The following MLXIP variants were observed in gnomAD, a reference collection of about 807,000 sequenced individuals.
MLXIP encodes the protein MLX-interacting protein.
In MLXIP, 30 loss-of-function variants were observed where a neutral mutation model predicts 87.2. The ratio of observed to expected loss-of-function variants is 0.34; its 90% confidence interval spans 0.26 to 0.47. The LOEUF is 0.47. Among genes scored for constraint, MLXIP ranks in the 20% least tolerant of loss-of-function variants. MLXIP has a pLI of 1.00. For synonymous variants in MLXIP, 530 were observed against 514.0 expected (o/e 1.03, Z -0.42); for missense variants, 1,002 against 1,240.1 (o/e 0.81, Z 2.88).
intron 1 of MLXIP, among the ~76,000 whole-genome samples, chr12:122,093,398 GTGTGTGGTGTGTGTTGGTGTGTTATA>G (rs1952279621): frequency 6.9e-6 from 1 of 145,798 alleles, no homozygotes; most frequent in South Asian, 2.3e-4. Context: ...GGGTGGTTAT[GTGTGTGGTGTGTGTTGGTGTGTTATA>G]TGTGGGGTGT....
rs1173711241 is a variant in MLXIP at position 122,113,681 on chromosome 12, C to CTTTTTTTTT, written c.414-13562_414-13554dup. 2.7e-3 allele frequency among the ~76,000 whole-genome samples: 269 copies of CTTTTTTTTT among 100,674 alleles called. 15 individuals carry two copies. Among genetic ancestry groups the CTTTTTTTTT allele is most frequent in the African/African-American group, 3.9e-3 (97 of 24,794 alleles). The allele number at this position is 100,674 out of a possible 152,430, so 66.0% of individuals were successfully genotyped here. A position where few individuals can be genotyped will look rare whatever the true frequency, so the allele number is the denominator to read the frequency against. Reference sequence around the variant, plus strand: ...ACAGTCCATATAACTGCCTTCATTTCTTTTTTTTTTTTTTTTTTTTTGAGA... The same window carrying CTTTTTTTTT: ...ACAGTCCATATAACTGCCTTCATTTCTTTTTTTTTTTTTTTTTTTTTTTTTTTTTTGAGA... On this transcript the variant is annotated intron_variant, in intron 1 of 16. Coordinates refer to ENST00000319080, the MANE Select transcript of MLXIP (RefSeq NM_014938.6).
rs747392761 is a variant in MLXIP at position 122,133,900 on chromosome 12, G to A, written c.1645G>A (p.Gly549Ser). 7.5e-6 allele frequency: 12 copies of A among 1,610,164 alleles called. No individual in the cohort carries two copies. In the African/African-American group the frequency reaches 1.5e-4, roughly 20 times the overall value. Reference protein sequence around the residue: ...VHPKPVSLTGGRPKQPHKIVP... With the variant: ...VHPKPVSLTGSRPKQPHKIVP... ...CCCCAAACCTGTATCCTTGACTGGG[G>A]GCAGGCCTAAGCAGCCCCACAAAAT... Residue 549 changes from glycine to serine, a missense_variant, in exon 9 of 17, where the codon GGC becomes AGC. By Grantham distance (56) the Gly-to-Ser change is moderately conservative. Transcript: ENST00000319080. The surrounding 1 kb of genome is among the most constrained non-coding windows in gnomAD (Gnocchi z 4.9).
intron 1 of MLXIP, among the ~76,000 whole-genome samples, chr12:122,096,235 A>G (rs149921284): frequency 0.012 from 1,835 of 152,080 alleles, 40 homozygotes; most frequent in African/African-American, 0.042. Context: ...GCACCGCCAC[A>G]CCCGGCTTCT....
chr12:122,094,521 GTGTGT>G (rs1952315411), intron 1 of MLXIP, among the ~76,000 whole-genome samples: 6 of 145,806 alleles, frequency 4.1e-5, no homozygotes, highest in Non-Finnish European at 9.1e-5. Flanking sequence ...GTGTTGGTGT[GTGTGT>G]TGTGTGTGGT....
At chr12:122,131,316 A>T (rs775952210) in intron 7 of MLXIP, among the ~76,000 whole-genome samples, 5 of 151,830 alleles carry the variant, frequency 3.3e-5, no homozygotes, top group African/African-American at 7.3e-5. Context: ...AGTTGCCAAC[A>T]TGTGTGGTTC....
In MLXIP at chr12:122,142,726, T is replaced by G. The variant is rs1221521800; in HGVS notation, c.*914T>G. 5.7e-6 allele frequency: 1 copy of G among 176,324 alleles called. No homozygotes were observed. The highest frequency in any genetic ancestry group is 2.4e-5 in the African/African-American group (1 of 42,230). The allele number at this position is 176,324 out of a possible 1,614,324, so 10.9% of individuals were successfully genotyped here. A position where few individuals can be genotyped will look rare whatever the true frequency, so the allele number is the denominator to read the frequency against. On this transcript the variant is annotated 3_prime_UTR_variant, in exon 17 of 17. Transcript: ENST00000319080. ...TGAAAGATCAGACTCCACGTCCTGC[T>G]GTCAGCCTTGTCATCTTGTCTGATG...
chr12:122,140,695 A>G, intron 15 of MLXIP: 1 of 563,154 alleles, frequency 1.8e-6, no homozygotes, highest in South Asian at 1.9e-5. Flanking sequence ...TCCAGACTAG[A>G]GACCTTCTGT....
Position 122,103,825 on chromosome 12 carries a change from G to A in MLXIP, c.414-23431G>A, listed in dbSNP as rs1336657009. ...ATTACAGGTGTGAGCCACTGTGCCCGGCCTAATTTTGTTTGTTTTTTTTTT... is the reference window on the plus strand; with the variant it reads ...ATTACAGGTGTGAGCCACTGTGCCCAGCCTAATTTTGTTTGTTTTTTTTTT... On this transcript the variant is annotated intron_variant, in intron 1 of 16. Coordinates refer to ENST00000319080, the MANE Select transcript of MLXIP (RefSeq NM_014938.6). Among the ~76,000 whole-genome samples the A allele has an allele frequency of 4.3e-5, 6 of 141,002 alleles. No homozygotes were observed. In the South Asian group the frequency reaches 1.2e-3, roughly 27 times the overall value. The allele number at this position is 141,002 out of a possible 152,430, so 92.5% of individuals were successfully genotyped here. A position where few individuals can be genotyped will look rare whatever the true frequency, so the allele number is the denominator to read the frequency against.
chr12:122,139,077 TATCTCGGGAG>T, intron 15 of MLXIP, 139 bp downstream of exon 15: 1 of 1,345,212 alleles, frequency 7.4e-7, no homozygotes, highest in Non-Finnish European at 1.0e-6. Context: ...TGCTAGTGTC[TATCTCGGGAG>T]AGAGTGGTCC....
At chr12:122,085,683 T>A (rs937404110) in intron 1 of MLXIP, among the ~76,000 whole-genome samples, 1 of 152,216 alleles carries the variant, frequency 6.6e-6, no homozygotes, top group Non-Finnish European at 1.5e-5. Flanking sequence ...ATTGTGTTTA[T>A]CTTGAGCTCT....
intron 1 of MLXIP, among the ~76,000 whole-genome samples, chr12:122,113,804 C>CCATT (rs1187806386): frequency 1.4e-5 from 2 of 147,932 alleles, no homozygotes; most frequent in Non-Finnish European, 3.0e-5. Context: ...CCTGCGTCAG[C>CCATT]CTCCCGAGGA....
intron 1 of MLXIP, among the ~76,000 whole-genome samples, chr12:122,113,506 G>A (rs1349182609): frequency 2.6e-5 from 4 of 151,958 alleles, no homozygotes; most frequent in Non-Finnish European, 4.4e-5. Context: ...GGGTTCAAGC[G>A]ATCCACCCAC....
Position 122,137,495 on chromosome 12 carries a change from G to A in MLXIP, c.2059G>A (p.Ala687Thr), listed in dbSNP as rs374999599. The A allele has an allele frequency of 6.2e-6, 10 of 1,613,978 alleles. No homozygotes were observed. The highest frequency in any genetic ancestry group is 8.5e-6 in the Non-Finnish European group (10 of 1,179,878). Residue 687 changes from alanine to threonine, a missense_variant, in exon 12 of 17, where the codon GCC (alanine) becomes ACC (threonine). Coordinates refer to ENST00000319080, the MANE Select transcript of MLXIP (RefSeq NM_014938.6). The surrounding 1 kb of genome is among the most constrained non-coding windows in gnomAD (Gnocchi z 4.1). ...PSRDCPNSGQ[A>T]SPCASEQSPS... ...TCGGGACTGCCCAAACTCAGGGCAG[G>A]CCTCTCCGTGTGCATCGGAGCAGAG...
chr12:122,094,492 C>G (rs1172669268), intron 1 of MLXIP, among the ~76,000 whole-genome samples: 1 of 65,030 alleles, frequency 1.5e-5, no homozygotes, highest in Non-Finnish European at 3.0e-5. Context: ...TGTGTGTTTG[C>G]AATGTCTGTG....
chr12:122,105,839 C>G (rs1285766869), intron 1 of MLXIP, among the ~76,000 whole-genome samples: 1 of 151,372 alleles, frequency 6.6e-6, no homozygotes, highest in African/African-American at 2.4e-5. Flanking sequence ...CCTCCTCTCT[C>G]TCTTGTTCCC....
At chr12:122,097,435 A>C (rs574622602) in intron 1 of MLXIP, among the ~76,000 whole-genome samples, 36 of 152,068 alleles carry the variant, frequency 2.4e-4, no homozygotes, top group African/African-American at 6.7e-4. Flanking sequence ...ATCCTGGGCA[A>C]CATAACGAGA....
chr12:122,125,895 G>C (rs1952874043), intron 1 of MLXIP, among the ~76,000 whole-genome samples: 1 of 152,242 alleles, frequency 6.6e-6, no homozygotes, highest in Non-Finnish European at 1.5e-5. Context: ...CAGGGCATCT[G>C]CCTTCCAGGG....
At chr12:122,138,673 C>A in intron 14 of MLXIP, 122 bp downstream of exon 14, 1 of 1,494,356 alleles carries the variant, frequency 6.7e-7, no homozygotes, top group East Asian at 2.5e-5. Context: ...AGTAGTTCTG[C>A]TCTTTGTCAA....
At chr12:122,141,627 G>A in intron 16 of MLXIP, 64 bp from the exon 17 acceptor site, 1 of 1,586,718 alleles carries the variant, frequency 6.3e-7, no homozygotes, top group Non-Finnish European at 8.6e-7. Flanking sequence ...TAGGTACAAA[G>A]CCGAGTGTGC....
Sources: allele counts gnomAD v4.1 joint callset (sites outside exome capture counted in the v4.1 genomes callset), GRCh38; gene constraint gnomAD v4.1.1; non-coding constraint Gnocchi (gnomAD v3.1); transcripts MANE v1.5; gene names NCBI Gene and HGNC (gene_info 2026-07-23, HGNC 2026-07-21).